Variants in CUX2 observed in about 807,000 individuals in gnomAD.
The protein encoded by CUX2 is cut like homeobox 2.
A neutral mutation model predicts 144.8 loss-of-function variants in CUX2; 40 were observed. That is an observed-to-expected ratio of 0.28 (90% confidence interval 0.21 to 0.36). CUX2 has a LOEUF of 0.36. Among genes scored for constraint, CUX2 ranks in the 10% least tolerant of loss-of-function variants. CUX2 has a pLI of 1.00. For missense variants in CUX2, 1,615 were observed against 1,994.0 expected (o/e 0.81, Z 3.62); for synonymous variants, 827 against 875.6 (o/e 0.94, Z 0.98).
intron 1 of CUX2, among the ~76,000 whole-genome samples, chr12:111,205,179 G>A (rs1056292289): frequency 6.6e-6 from 1 of 152,010 alleles, no homozygotes; most frequent in Non-Finnish European, 1.5e-5. Flanking sequence ...ATGGCAGGCC[G>A]GCGGGTGCCC....
At chr12:111,043,063 C>A (rs1307394505) in intron 1 of CUX2, among the ~76,000 whole-genome samples, 1 of 152,114 alleles carries the variant, frequency 6.6e-6, no homozygotes, top group Non-Finnish European at 1.5e-5. Flanking sequence ...TGTACATTCA[C>A]CACTTACGGT....
intron 1 of CUX2, among the ~76,000 whole-genome samples, chr12:111,163,288 C>A (rs145716990): frequency 9.8e-5 from 15 of 152,336 alleles, no homozygotes; most frequent in Non-Finnish European, 2.1e-4. Flanking sequence ...ATAGGTTTTT[C>A]TGCAAATGGC....
chr12:111,071,139 G>A (rs1442165308), intron 1 of CUX2, among the ~76,000 whole-genome samples: 1 of 149,236 alleles, frequency 6.7e-6, no homozygotes, highest in Non-Finnish European at 1.5e-5. Context: ...TAAATATGAA[G>A]GAACAAGATT....
chr12:111,294,379 A>C (rs942595145), intron 6 of CUX2, among the ~76,000 whole-genome samples: 2 of 152,044 alleles, frequency 1.3e-5, no homozygotes, highest in Non-Finnish European at 2.9e-5. Context: ...AAGTGCTGGG[A>C]TTACAGGTGT....
At chr12:111,235,706 G>C (rs1592866236) in intron 3 of CUX2, among the ~76,000 whole-genome samples, 2 of 151,898 alleles carry the variant, frequency 1.3e-5, no homozygotes, top group East Asian at 3.9e-4. Flanking sequence ...AGGCAACAGA[G>C]TAAGACTCCA....
At chr12:111,170,502 C>T (rs1366076105) in intron 1 of CUX2, among the ~76,000 whole-genome samples, 1 of 146,808 alleles carries the variant, frequency 6.8e-6, no homozygotes, top group Non-Finnish European at 1.5e-5. Context: ...CCAGGATACA[C>T]AGCTAGGAAG....
At chr12:111,215,626 A>G (rs1479676460) in intron 2 of CUX2, among the ~76,000 whole-genome samples, 1 of 152,240 alleles carries the variant, frequency 6.6e-6, no homozygotes, top group Non-Finnish European at 1.5e-5. Context: ...AGTGATGCCG[A>G]GAACCCTTCC....
intron 1 of CUX2, among the ~76,000 whole-genome samples, chr12:111,154,206 C>T (rs551836296): frequency 3.0e-4 from 46 of 152,132 alleles, no homozygotes; most frequent in African/African-American, 1.1e-3. Context: ...CGCTGGGGCT[C>T]TCGGTGAAGG....
chr12:111,083,723 A>G (rs1045272061), intron 1 of CUX2, among the ~76,000 whole-genome samples: 9 of 152,134 alleles, frequency 5.9e-5, no homozygotes, highest in African/African-American at 2.2e-4. Flanking sequence ...ACTCACAGGT[A>G]ATAGAAGATG....
chr12:111,348,500 G>C lies in CUX2; in HGVS notation c.*175G>C. Reference sequence around the variant, plus strand: ...CTAGTTCTATGAAGCTGTGTGAGCAGGTGGGTCAAATGCCATTGCCTCCAC... The same window carrying C: ...CTAGTTCTATGAAGCTGTGTGAGCACGTGGGTCAAATGCCATTGCCTCCAC... On this transcript the variant is annotated 3_prime_UTR_variant, in exon 22 of 22. Coordinates refer to ENST00000261726, the MANE Select transcript of CUX2 (RefSeq NM_015267.4). 3.0e-6 allele frequency: 2 copies of C among 674,994 alleles called. No homozygotes were observed. The allele number at this position is 674,994 out of a possible 1,614,324, so 41.8% of individuals were successfully genotyped here.
intron 1 of CUX2, chr12:111,099,391 C>T (rs1156484099): frequency 3.0e-5 from 11 of 364,166 alleles, no homozygotes; most frequent in South Asian, 8.2e-5. Context: ...AAAAATAGCT[C>T]GGTGCTTTCT....
At chr12:111,170,710 A>G (rs1186346428) in intron 1 of CUX2, among the ~76,000 whole-genome samples, 1 of 151,972 alleles carries the variant, frequency 6.6e-6, no homozygotes, top group Non-Finnish European at 1.5e-5. Context: ...CTTGCTGCAG[A>G]AACTGCTCAA....
At chr12:111,162,555 C>T (rs888561926) in intron 1 of CUX2, among the ~76,000 whole-genome samples, 2 of 152,220 alleles carry the variant, frequency 1.3e-5, no homozygotes, top group East Asian at 3.9e-4. Flanking sequence ...ACAGCTCTCT[C>T]CATCACAGCG....
intron 1 of CUX2, among the ~76,000 whole-genome samples, chr12:111,064,742 G>A (rs1401329276): frequency 1.3e-5 from 2 of 152,140 alleles, no homozygotes; most frequent in African/African-American, 2.4e-5. Context: ...CCAAGGCCTG[G>A]GTTTTATCCT....
chr12:111,249,436 CCTTTTTTTGTTT>C (rs1353024561), intron 3 of CUX2, among the ~76,000 whole-genome samples: 26 of 134,924 alleles, frequency 1.9e-4, no homozygotes, highest in African/African-American at 6.4e-4. Context: ...ATTAATAGAC[CCTTTTTTTGTTT>C]TTTTTTTTTT....
At position 111,298,996 on chromosome 12, in the gene CUX2, C is replaced by T. The variant is rs73416646; in HGVS notation, c.753+407C>T. The stretch of plus-strand genomic sequence containing the variant: ...GGGGCTCCCGCCTCCTGCCTTCCTC[C>T]GGCTCAGAGGTGCTGCCATCTGGTG... On this transcript the variant is annotated intron_variant, in intron 9 of 21. Transcript: ENST00000261726. 2.6e-3 allele frequency among the ~76,000 whole-genome samples: 397 copies of T among 152,328 alleles called. 2 individuals are homozygous for T. Among genetic ancestry groups the T allele is most frequent in the African/African-American group, 9.0e-3 (376 of 41,558 alleles).
intron 1 of CUX2, among the ~76,000 whole-genome samples, chr12:111,112,238 G>C (rs927426798): frequency 6.6e-6 from 1 of 151,940 alleles, no homozygotes; most frequent in African/African-American, 2.4e-5. Flanking sequence ...GTCTGGGTGG[G>C]TGGGTTTTAT....
chr12:111,110,365 A>T (rs556048034), intron 1 of CUX2, among the ~76,000 whole-genome samples: 1 of 152,164 alleles, frequency 6.6e-6, no homozygotes, highest in African/African-American at 2.4e-5. Context: ...GTGGCAGACA[A>T]CAAGAGAGTT....
chr12:111,074,845 C>T (rs7309270), intron 1 of CUX2, among the ~76,000 whole-genome samples: 3,087 of 152,112 alleles, frequency 0.02, 135 homozygotes, highest in African/African-American at 0.071. Flanking sequence ...CAGGTCTGGC[C>T]ACCACTGTTG....
Sources: gnomAD v4.1 joint callset for allele counts (sites outside exome capture counted in the v4.1 genomes callset) on GRCh38, gnomAD v4.1.1 for gene constraint, MANE v1.5 for transcripts, NCBI Gene and HGNC (gene_info 2026-07-23, HGNC 2026-07-21) for gene names.